CNOT4: variants seen among roughly 807,000 people sequenced by gnomAD.
The protein encoded by CNOT4 is CCR4-associated factor 4.
In CNOT4, 8 loss-of-function variants were observed where a neutral mutation model predicts 73.8. The ratio of observed to expected loss-of-function variants is 0.11; its 90% CI spans 0.06 to 0.20. The LOEUF is 0.20. CNOT4 is among the 10% of genes least tolerant of loss of function. CNOT4 has a pLI of 1.00. For synonymous variants in CNOT4, 293 were observed against 321.1 expected, an observed-to-expected ratio of 0.91 and a Z score of 0.94; for missense variants, 564 against 883.4, an observed-to-expected ratio of 0.64 and a Z score of 4.58.
intron 1 of CNOT4, among the ~76,000 whole-genome samples, chr7:135,490,027 T>C (rs1054450547): frequency 6.6e-6 from 1 of 152,212 alleles, no homozygotes; most frequent in Non-Finnish European, 1.5e-5. Flanking sequence ...ATCTCCAAGG[T>C]TCTTTATATA....
chr7:135,437,194 C>G, intron 2 of CNOT4, among the ~76,000 whole-genome samples: 1 of 150,396 alleles, frequency 6.6e-6, no homozygotes, highest in South Asian at 2.1e-4. Flanking sequence ...CTTTTCTTTT[C>G]TTTTCTTTTT....
chr7:135,419,454 G>T (rs1219066269), intron 3 of CNOT4, among the ~76,000 whole-genome samples: 1 of 152,016 alleles, frequency 6.6e-6, no homozygotes, highest in Admixed American at 6.6e-5. Context: ...AATTTTAAAA[G>T]ATATTATTTA....
chr7:135,394,303 G>C lies in CNOT4; in HGVS notation c.1242C>G (p.Ala414=), dbSNP rs199808305. Residue 414 remains alanine (A), a synonymous_variant, in exon 10 of 12, where the codon GCC becomes GCG. Transcript: ENST00000541284. The stretch of plus-strand genomic sequence containing the variant: ...GTTCCTTCTCAATCAGGTCTGCTAA[G>C]GCTTTTCGAGTGACATCGAAGGGAT... ...GFDPFDVTRK[A]LADLIEKELS... is the part of the protein sequence containing the mutation. The C allele has an allele frequency of 1.2e-6, 2 of 1,614,138 alleles. No individual in the cohort carries two copies. Among genetic ancestry groups the C allele is most frequent in the Non-Finnish European group, 1.7e-6 (2 of 1,180,010 alleles).
At chr7:135,368,178 T>C (rs970138576) in intron 10 of CNOT4, among the ~76,000 whole-genome samples, 1 of 152,144 alleles carries the variant, frequency 6.6e-6, no homozygotes, top group African/African-American at 2.4e-5. Context: ...TATACTTCAT[T>C]TACCTGCCTC....
intron 3 of CNOT4, among the ~76,000 whole-genome samples, chr7:135,420,466 A>G (rs1798122577): frequency 6.6e-6 from 1 of 151,050 alleles, no homozygotes; most frequent in Non-Finnish European, 1.5e-5. Flanking sequence ...AGACCCAGTT[A>G]CCTGGGGGGC....
At chr7:135,494,626 G>A (rs1803341078) in intron 1 of CNOT4, among the ~76,000 whole-genome samples, 1 of 151,758 alleles carries the variant, frequency 6.6e-6, no homozygotes, top group Admixed American at 6.6e-5. Flanking sequence ...AATACATCAG[G>A]GATCAAAACA....
intron 2 of CNOT4, 96 bp from the exon 3 acceptor site, chr7:135,422,449 C>A: frequency 3.0e-6 from 2 of 660,140 alleles, no homozygotes; most frequent in South Asian, 3.9e-5. Flanking sequence ...ATGTGGTTAT[C>A]TGTTACATTC....
At chr7:135,463,934 C>G (rs1179657111) in intron 1 of CNOT4, among the ~76,000 whole-genome samples, 1 of 141,126 alleles carries the variant, frequency 7.1e-6, no homozygotes, top group African/African-American at 2.7e-5. Flanking sequence ...GAAAAAAAAC[C>G]CTCAATATCA....
chr7:135,455,589 C>CT (rs1800476218), intron 1 of CNOT4, among the ~76,000 whole-genome samples: 1 of 151,486 alleles, frequency 6.6e-6, no homozygotes, highest in Non-Finnish European at 1.5e-5. Flanking sequence ...AAAAAAAAGA[C>CT]TAAGGCCAGG....
chr7:135,470,374 C>T (rs1219943245), intron 1 of CNOT4, among the ~76,000 whole-genome samples: 1 of 149,944 alleles, frequency 6.7e-6, no homozygotes, highest in African/African-American at 2.5e-5. Flanking sequence ...CCAAGCTATG[C>T]TCCTCCTCAG....
intron 1 of CNOT4, among the ~76,000 whole-genome samples, chr7:135,454,698 C>A (rs766082803): frequency 6.6e-6 from 1 of 151,678 alleles, no homozygotes; most frequent in Non-Finnish European, 1.5e-5. Flanking sequence ...TTGAGACCAG[C>A]CTGGGCAACG....
chr7:135,415,625 C>T (rs1247152352), intron 3 of CNOT4, among the ~76,000 whole-genome samples: 4 of 151,944 alleles, frequency 2.6e-5, no homozygotes, highest in South Asian at 2.1e-4. Context: ...GATCCTTACA[C>T]GAAAGCAATT....
intron 10 of CNOT4, among the ~76,000 whole-genome samples, chr7:135,378,859 C>T (rs1795671809): frequency 6.6e-6 from 1 of 151,902 alleles, no homozygotes; most frequent in South Asian, 2.1e-4. Context: ...GTGGTGTGTG[C>T]ATGTAGCCCC....
At chr7:135,459,421 C>G (rs564930174) in intron 1 of CNOT4, among the ~76,000 whole-genome samples, 1 of 152,180 alleles carries the variant, frequency 6.6e-6, no homozygotes, top group South Asian at 2.1e-4. Flanking sequence ...AAGTCTAAAT[C>G]CTAGACCTCT....
chr7:135,387,021 A>T, intron 10 of CNOT4: 1 of 925,558 alleles, frequency 1.1e-6, no homozygotes, highest in Non-Finnish European at 1.3e-6. Context: ...ACAAGGAGCC[A>T]GAGTTTGTTA....
intron 1 of CNOT4, among the ~76,000 whole-genome samples, chr7:135,499,378 C>T (rs1803811583): frequency 1.3e-5 from 2 of 152,136 alleles, no homozygotes; most frequent in South Asian, 2.1e-4. Context: ...TACTATTCCC[C>T]ACTTTATTTT....
At chr7:135,481,593 GTATT>G (rs1434490427) in intron 1 of CNOT4, among the ~76,000 whole-genome samples, 2 of 152,136 alleles carry the variant, frequency 1.3e-5, no homozygotes, top group African/African-American at 4.8e-5. Context: ...TCCCACCACT[GTATT>G]TATACAAAAG....
At chr7:135,489,151 G>C (rs1451362099) in intron 1 of CNOT4, among the ~76,000 whole-genome samples, 1 of 151,924 alleles carries the variant, frequency 6.6e-6, no homozygotes, top group Non-Finnish European at 1.5e-5. Context: ...CTATCCAAGA[G>C]AAATATAACG....
Position 135,402,112 on chromosome 7 carries a change from C to CTT in CNOT4, c.822-3888_822-3887dup, listed in dbSNP as rs71531849. Among the ~76,000 whole-genome samples, 451 of 142,274 alleles carry CTT rather than the reference C, an allele frequency of 3.2e-3. 11 individuals carry two copies. In the East Asian group the frequency reaches 0.052, roughly 16 times the overall value. 93.3% of individuals were successfully genotyped at this position (142,274 alleles called of 152,430 possible). On this transcript the variant is annotated intron_variant, in intron 7 of 11. Transcript: ENST00000541284. ...TTAAAAATCCATGGTAAGACTATAT[C>CTT]TTTTTTTTTTTTTTTGAGACAGAGT...
Sources: allele counts gnomAD v4.1 joint callset (sites outside exome capture counted in the v4.1 genomes callset), GRCh38; gene constraint gnomAD v4.1.1; transcripts MANE v1.5; gene names NCBI Gene and HGNC (gene_info 2026-07-23, HGNC 2026-07-21).